Variants in CEMIP observed in about 807,000 individuals in gnomAD.
CEMIP encodes cell migration inducing hyaluronidase 1, also known as cell migration-inducing and hyaluronan-binding protein.
CEMIP carries 105 observed loss-of-function variants against 156.9 expected under a neutral mutation model. The observed-to-expected ratio is 0.67, with a 90% CI of 0.57 to 0.79. The LOEUF is 0.79. CEMIP is among the 30% of genes least tolerant of loss of function. The pLI, the probability that CEMIP is intolerant of heterozygous loss-of-function variation, is 0.00. For synonymous variants in CEMIP, 676 were observed against 668.4 expected (o/e 1.01, Z -0.17); for missense variants, 1,457 against 1,769.4 (o/e 0.82, Z 3.17).
At chr15:80,846,170 C>G (rs1897551867) in intron 1 of CEMIP, among the ~76,000 whole-genome samples, 1 of 152,200 alleles carries the variant, frequency 6.6e-6, no homozygotes, top group South Asian at 2.1e-4. Flanking sequence ...CTATCTAACC[C>G]TTTGGCAGTG....
intron 1 of CEMIP, among the ~76,000 whole-genome samples, chr15:80,857,564 G>A (rs1456421122): frequency 1.3e-5 from 2 of 152,228 alleles, no homozygotes; most frequent in Admixed American, 6.5e-5. Flanking sequence ...TCTTAGAGCA[G>A]AGGAAGGACC....
intron 1 of CEMIP, among the ~76,000 whole-genome samples, chr15:80,797,096 T>C (rs1177733522): frequency 6.6e-6 from 1 of 152,046 alleles, no homozygotes; most frequent in African/African-American, 2.4e-5. Flanking sequence ...TTAGGTAAGG[T>C]TGGAAAGGTT....
intron 14 of CEMIP, among the ~76,000 whole-genome samples, chr15:80,911,709 G>A (rs765859004): frequency 2.0e-5 from 3 of 152,254 alleles, no homozygotes; most frequent in Admixed American, 6.5e-5. Context: ...AAATGCCTGT[G>A]AAATGTTTTT....
At chr15:80,894,550 G>T (rs1373125202) in intron 10 of CEMIP, among the ~76,000 whole-genome samples, 1 of 152,170 alleles carries the variant, frequency 6.6e-6, no homozygotes, top group Non-Finnish European at 1.5e-5. Flanking sequence ...TCCGAGGATG[G>T]GGACTGGGCA....
At chr15:80,866,710 C>T (rs778138768) in intron 1 of CEMIP, among the ~76,000 whole-genome samples, 49 of 149,938 alleles carry the variant, frequency 3.3e-4, no homozygotes, top group Non-Finnish European at 5.9e-4. Flanking sequence ...GGCATGAACC[C>T]GGGAGGCAGA....
intron 14 of CEMIP, among the ~76,000 whole-genome samples, chr15:80,917,226 C>T (rs900801151): frequency 2.0e-5 from 3 of 152,114 alleles, no homozygotes; most frequent in African/African-American, 7.2e-5. Flanking sequence ...CAGAGAAAGA[C>T]TACCCAAAGT....
At chr15:80,889,380 A>T in intron 9 of CEMIP, 91 bp from the exon 10 acceptor site, 3 of 1,570,124 alleles carry the variant, frequency 1.9e-6, no homozygotes, top group Non-Finnish European at 2.6e-6. Context: ...TTCAGTTCCC[A>T]TGGTGCTGAG....
chr15:80,929,613 G>A (rs1900827677), intron 21 of CEMIP, among the ~76,000 whole-genome samples: 1 of 152,146 alleles, frequency 6.6e-6, no homozygotes. Context: ...ATGCAGGTTG[G>A]GGTCTTCAAC....
intron 1 of CEMIP, among the ~76,000 whole-genome samples, chr15:80,781,459 G>T (rs1446764296): frequency 6.6e-6 from 1 of 152,182 alleles, no homozygotes; most frequent in Non-Finnish European, 1.5e-5. Context: ...GGAAAAACCT[G>T]TAGGGTTTAA....
At chr15:80,849,669 C>CAGAG (rs151265419) in intron 1 of CEMIP, among the ~76,000 whole-genome samples, 29 of 150,174 alleles carry the variant, frequency 1.9e-4, no homozygotes, top group Admixed American at 6.6e-4. Context: ...GAATGACCAC[C>CAGAG]AGAGAGAGAG....
intron 12 of CEMIP, among the ~76,000 whole-genome samples, chr15:80,900,517 G>A (rs1303117009): frequency 2.6e-5 from 4 of 151,692 alleles, no homozygotes; most frequent in Non-Finnish European, 5.9e-5. Context: ...TTGCCCTGCC[G>A]AGGAGCTGTG....
intron 1 of CEMIP, among the ~76,000 whole-genome samples, chr15:80,843,663 T>TA (rs936188161): frequency 3.3e-5 from 5 of 152,360 alleles, no homozygotes; most frequent in African/African-American, 7.2e-5. Context: ...TAGTTCCTTC[T>TA]AACCCTTTTG....
chr15:80,875,009 AT>A (rs1470707699), intron 3 of CEMIP, among the ~76,000 whole-genome samples: 1 of 147,022 alleles, frequency 6.8e-6, no homozygotes, highest in Non-Finnish European at 1.5e-5. Context: ...CTTAGGGGAC[AT>A]AGCAAGTAGC....
intron 12 of CEMIP, among the ~76,000 whole-genome samples, chr15:80,905,223 C>T (rs1330887601): frequency 6.6e-6 from 1 of 152,192 alleles, no homozygotes; most frequent in African/African-American, 2.4e-5. Flanking sequence ...GTTAAGATCA[C>T]AGCGAAAGCC....
chr15:80,853,572 A>G (rs565859094), intron 1 of CEMIP, among the ~76,000 whole-genome samples: 1 of 152,208 alleles, frequency 6.6e-6, no homozygotes, highest in African/African-American at 2.4e-5. Flanking sequence ...TGAAGCCCTA[A>G]GAAGGGAATT....
At chr15:80,802,137 A>G (rs1166279614) in intron 1 of CEMIP, among the ~76,000 whole-genome samples, 1 of 152,220 alleles carries the variant, frequency 6.6e-6, no homozygotes, top group Non-Finnish European at 1.5e-5. Flanking sequence ...TTCTGCCAAC[A>G]TGGCCTGGTG....
intron 1 of CEMIP, among the ~76,000 whole-genome samples, chr15:80,797,091 T>C (rs2141592960): frequency 6.6e-6 from 1 of 152,070 alleles, no homozygotes; most frequent in East Asian, 1.9e-4. Context: ...TCTTATTAGG[T>C]AAGGTTGGAA....
chr15:80,948,039 A>G (rs1038239061), intron 29 of CEMIP: 1 of 152,868 alleles, frequency 6.5e-6, no homozygotes, highest in Admixed American at 6.5e-5. Flanking sequence ...ACATAAGGAA[A>G]AGAGAAGTAT....
chr15:80,887,844 A>G, intron 8 of CEMIP, 80 bp downstream of exon 8: 1 of 1,184,790 alleles, frequency 8.4e-7, no homozygotes, highest in East Asian at 2.4e-5. Flanking sequence ...TGAACATCTC[A>G]CTTTTCTCAG....
Sources: gnomAD v4.1 joint callset for allele counts (sites outside exome capture counted in the v4.1 genomes callset) on GRCh38, gnomAD v4.1.1 for gene constraint, MANE v1.5 for transcripts, NCBI Gene and HGNC (gene_info 2026-07-23, HGNC 2026-07-21) for gene names.